Variants in KDR observed in about 807,000 individuals in gnomAD.
The protein encoded by KDR is vascular endothelial growth factor receptor 2.
A neutral mutation model predicts 160.9 loss-of-function variants in KDR; 43 were observed. That is an observed-to-expected ratio of 0.27 (90% confidence interval 0.21 to 0.34). KDR has a LOEUF of 0.34. Among genes scored for constraint, KDR ranks in the 10% least tolerant of loss-of-function variants. The pLI, the probability that KDR is intolerant of heterozygous loss-of-function variation, is 1.00. For missense variants in KDR, 1,469 were observed against 1,666.4 expected (o/e 0.88, Z 2.06); for synonymous variants, 617 against 600.1 (o/e 1.03, Z -0.41).
chr4:55,123,731 C>G (rs1243745906), intron 1 of KDR, among the ~76,000 whole-genome samples: 2 of 152,176 alleles, frequency 1.3e-5, no homozygotes, highest in African/African-American at 4.8e-5. Flanking sequence ...AAAAGCCCTT[C>G]TATGTTCAAA....
Position 55,106,803 on chromosome 4 carries a change from C to G in KDR, c.1420G>C (p.Val474Leu), listed in dbSNP as rs778773606. The G allele has an allele frequency of 5.0e-6, 8 of 1,607,922 alleles. No homozygotes were observed. In the East Asian group the frequency reaches 1.1e-4, roughly 22 times the overall value. The change falls in exon 11 of 30, where the codon GTC (valine) becomes CTC (leucine). Residue 474 changes from valine (V) to leucine (L), a missense_variant. Physicochemically the swap from Val to Leu is conservative, Grantham distance 32. This residue lies in a region of KDR where 792 missense variants were observed against 840.9 expected (regional missense o/e 0.94). Coordinates refer to ENST00000263923, the MANE Select transcript of KDR (RefSeq NM_002253.4). ...CAAGGGTATGGGTTTGTCACTGAGA[C>G]AGCTTGGCTATAAGAAAGAGATAAC... ...EECANEPSQA[V>L]SVTNPYPCEE...
Position 55,087,586 on chromosome 4 carries a change from A to G in KDR, c.3662+21T>C. 3 of 1,612,358 alleles carry G rather than the reference A, an allele frequency of 1.9e-6. No homozygotes were observed. The South Asian group carries it at 3.3e-5, about 18-fold the overall frequency. On this transcript the variant is annotated intron_variant, in intron 27 of 29. Coordinates refer to ENST00000263923, the MANE Select transcript of KDR (RefSeq NM_002253.4). ...CCTTGAAGTCACCCTCCCCCGGGGG[A>G]TGTTAGGCCATATACAGTACCTGAT...
At chr4:55,093,927 C>T (rs571809983) in intron 21 of KDR, among the ~76,000 whole-genome samples, 2 of 152,270 alleles carry the variant, frequency 1.3e-5, no homozygotes, top group African/African-American at 4.8e-5. Flanking sequence ...AGGCCAGGCA[C>T]GGAGGCTTAC....
rs749382062 is a variant in KDR at position 55,115,349 on chromosome 4, T to C, written c.421A>G (p.Asn141Asp). 30 of 1,585,184 alleles carry C rather than the reference T, an allele frequency of 1.9e-5. No individual in the cohort carries two copies. Among genetic ancestry groups the C allele is most frequent in the Non-Finnish European group, 2.5e-5 (29 of 1,153,790 alleles). ...DQHGVVYITENKNKTVVIPCL... is the reference protein window; with the variant it reads ...DQHGVVYITEDKNKTVVIPCL... ...GGAATCACCACAGTTTTGTTTTTGT[T>C]CTCAGTAATGTACACGACTCCATGT... Residue 141 changes from asparagine (N) to aspartate (D), a missense_variant, in exon 4 of 30, where the codon AAC becomes GAC. This residue lies in a region of KDR where 792 missense variants were observed against 840.9 expected (regional missense o/e 0.94). Transcript: ENST00000263923.
chr4:55,105,984 T>A, intron 11 of KDR, 44 bp from the exon 12 acceptor site: 1 of 1,235,086 alleles, frequency 8.1e-7, no homozygotes, highest in Middle Eastern at 2.3e-4. Context: ...ACAACGCGGC[T>A]GTTTGTGCAC....
At chr4:55,092,932 A>G (rs1720055700) in intron 21 of KDR, among the ~76,000 whole-genome samples, 1 of 152,218 alleles carries the variant, frequency 6.6e-6, no homozygotes, top group East Asian at 1.9e-4. Flanking sequence ...TTTCCATTTT[A>G]GCCAAATTGA....
Position 55,113,457 on chromosome 4 carries a change from G to A in KDR, c.823C>T (p.Arg275Ter), listed in dbSNP as rs1720648779. Residue 275 changes from arginine to a stop codon, truncating the protein, a stop_gained, in exon 7 of 30, where the codon CGA becomes TGA. Transcript: ENST00000263923. LOFTEE classifies it high-confidence loss of function. ...SKHQHKKLVN[R>*]DLKTQSGSEM... ...CTCCCAGACTGGGTTTTTAGGTCTC[G>A]GTTTACAAGTTTCTTATGCTGATGC... The A allele has an allele frequency of 6.2e-7, 1 of 1,613,790 alleles. No individual in the cohort carries two copies. Among genetic ancestry groups the A allele is most frequent in the Non-Finnish European group, 8.5e-7 (1 of 1,179,870 alleles).
chr4:55,118,429 A>G lies in KDR; in HGVS notation c.358+175T>C, dbSNP rs1036527308. 2.6e-5 allele frequency among the ~76,000 whole-genome samples: 4 copies of G among 152,252 alleles called. No individual in the cohort carries two copies. The South Asian group carries it at 6.2e-4, about 24-fold the overall frequency. ...AAAGAGGTAACACGGCCCAAGCTCCAGAATCAATGAGTCTTATTTCTCAGA... is the reference window on the plus strand; with the variant it reads ...AAAGAGGTAACACGGCCCAAGCTCCGGAATCAATGAGTCTTATTTCTCAGA... On this transcript the variant is annotated intron_variant, in intron 3 of 29. Coordinates refer to ENST00000263923, the MANE Select transcript of KDR (RefSeq NM_002253.4).
intron 22 of KDR, among the ~76,000 whole-genome samples, chr4:55,090,716 A>G (rs1165346856): frequency 1.3e-5 from 2 of 152,138 alleles, no homozygotes; most frequent in African/African-American, 4.8e-5. Flanking sequence ...TTAGCTTCTC[A>G]GTTTCTCCTT....
At chr4:55,112,329 T>C (rs574250448) in intron 7 of KDR, among the ~76,000 whole-genome samples, 3 of 152,280 alleles carry the variant, frequency 2.0e-5, no homozygotes, top group South Asian at 4.2e-4. Context: ...ACTTAATGAA[T>C]AGTAAATATA....
At chr4:55,096,190 G>A (rs1414570499) in intron 19 of KDR, 39 bp downstream of exon 19, 1 of 1,144,522 alleles carries the variant, frequency 8.7e-7, no homozygotes, top group East Asian at 2.3e-5. Flanking sequence ...AGAGAGGCAT[G>A]TTAAAATTGG....
At chr4:55,099,179 C>T (rs1720247425) in intron 15 of KDR, among the ~76,000 whole-genome samples, 2 of 151,946 alleles carry the variant, frequency 1.3e-5, no homozygotes, top group South Asian at 4.2e-4. Flanking sequence ...CCAAGCCCAG[C>T]TAATTTTTCT....
rs566454478 is a variant in KDR at position 55,081,856 on chromosome 4, A to G, written c.3848+100T>C. 2.9e-4 allele frequency: 227 copies of G among 774,976 alleles called. 3 individuals carry two copies. The highest frequency in any genetic ancestry group is 2.7e-3 in the South Asian group (188 of 68,430). The allele number at this position is 774,976 out of a possible 1,614,324, so 48.0% of individuals were successfully genotyped here. A position where few individuals can be genotyped will look rare whatever the true frequency, so the allele number is the denominator to read the frequency against. ...ATTGATGCTAATTTCTCCAACCAAC[A>G]AAGACCCCATAGGGAAAATTCTGCA... On this transcript the variant is annotated intron_variant, in intron 29 of 29. Coordinates refer to ENST00000263923, the MANE Select transcript of KDR (RefSeq NM_002253.4).
intron 17 of KDR, 66 bp downstream of exon 17, chr4:55,098,071 C>T: frequency 1.3e-6 from 2 of 1,575,950 alleles, no homozygotes; most frequent in South Asian, 2.2e-5. Context: ...CATTTGTCAT[C>T]ATTCTAATGG....
chr4:55,107,283 G>A (rs1429524048), intron 10 of KDR, among the ~76,000 whole-genome samples: 2 of 152,140 alleles, frequency 1.3e-5, no homozygotes, highest in Admixed American at 6.5e-5. Flanking sequence ...CCCTAAGGAT[G>A]TCTGGACTTG....
chr4:55,110,026 A>G (rs571187327), intron 9 of KDR, among the ~76,000 whole-genome samples: 3 of 152,310 alleles, frequency 2.0e-5, no homozygotes, highest in African/African-American at 7.2e-5. Flanking sequence ...TTTGCACAAA[A>G]TCTAAGGAGA....
At chr4:55,125,144 G>A (rs1288463376) in intron 1 of KDR, 83 bp downstream of exon 1, 2 of 1,264,194 alleles carry the variant, frequency 1.6e-6, no homozygotes, top group East Asian at 2.4e-5. Flanking sequence ...CCAGCTCTAC[G>A]ATTCCGAGTT....
At chr4:55,097,103 T>TGG (rs1305020389) in intron 18 of KDR, among the ~76,000 whole-genome samples, 1 of 152,158 alleles carries the variant, frequency 6.6e-6, no homozygotes, top group East Asian at 1.9e-4. Context: ...AAAATGAAAA[T>TGG]GGCCAGACCA....
At chr4:55,090,849 CTTTTT>C (rs61138010) in intron 22 of KDR, among the ~76,000 whole-genome samples, 7 of 84,046 alleles carry the variant, frequency 8.3e-5, no homozygotes, top group African/African-American at 3.2e-4. Context: ...TAGAAGAAAA[CTTTTT>C]TTTTTTTTTT....
Sources: allele counts gnomAD v4.1 joint callset (sites outside exome capture counted in the v4.1 genomes callset), GRCh38; gene constraint gnomAD v4.1.1; regional missense constraint gnomAD v4.1.1; transcripts MANE v1.5; gene names NCBI Gene and HGNC (gene_info 2026-07-23, HGNC 2026-07-21).